Variants in GPHN observed in about 807,000 individuals in gnomAD.
The protein encoded by GPHN is gephyrin.
A neutral mutation model predicts 95.5 loss-of-function variants in GPHN; 17 were observed. The ratio of observed to expected loss-of-function variants is 0.18; its 90% CI spans 0.12 to 0.27. GPHN has a LOEUF of 0.27. GPHN is among the 10% of genes least tolerant of loss of function. The probability of loss-of-function intolerance (pLI) is 1.00; values close to 1 mark genes in which losing one functional copy is unlikely to be tolerated. For missense variants in GPHN, 660 were observed against 978.1 expected (o/e 0.67, Z 4.34); for synonymous variants, 320 against 322.5 (o/e 0.99, Z 0.08).
At chr14:67,568,906 TA>T in the GPHN span, 1 of 509,200 alleles carries the variant, frequency 2.0e-6, no homozygotes, top group South Asian at 2.4e-5. Flanking sequence ...ATGCTTATGT[TA>T]AGTATTTCAT....
chr14:66,961,678 G>C (rs2068910742), intron 8 of GPHN, among the ~76,000 whole-genome samples: 1 of 151,176 alleles, frequency 6.6e-6, no homozygotes, highest in African/African-American at 2.4e-5. Context: ...CTCTCACTAA[G>C]AATCAGAGAA....
At chr14:67,085,127 G>A (rs2153665416) in intron 11 of GPHN, among the ~76,000 whole-genome samples, 1 of 152,292 alleles carries the variant, frequency 6.6e-6, no homozygotes, top group Admixed American at 6.5e-5. Context: ...AGAAACTTGA[G>A]GGTTATTTTT....
chr14:67,543,038 T>G, the GPHN span, among the ~76,000 whole-genome samples: 2 of 152,212 alleles, frequency 1.3e-5, no homozygotes, highest in African/African-American at 4.8e-5. Flanking sequence ...CTGCTAACTT[T>G]CAGAGGCATT....
chr14:67,273,570 C>G, the GPHN span, among the ~76,000 whole-genome samples: 6 of 152,156 alleles, frequency 3.9e-5, no homozygotes, highest in Non-Finnish European at 7.3e-5. Flanking sequence ...GTGAATAGTG[C>G]CGCAGTCAAC....
At chr14:67,706,197 G>C in the GPHN span, 7 of 152,330 alleles carry the variant, frequency 4.6e-5, no homozygotes, top group Non-Finnish European at 1.0e-4. Context: ...TCGCAAGATA[G>C]TGCCTATGAA....
intron 4 of GPHN, 89 bp from the exon 5 acceptor site, chr14:66,879,850 T>A: frequency 1.2e-6 from 1 of 825,610 alleles, no homozygotes; most frequent in Admixed American, 1.9e-5. Context: ...AAGCCTGGTT[T>A]ATAATCATTT....
chr14:66,935,471 GTGTATA>G (rs1235217620), intron 8 of GPHN, among the ~76,000 whole-genome samples: 2 of 145,874 alleles, frequency 1.4e-5, no homozygotes, highest in African/African-American at 5.2e-5. Flanking sequence ...ATATATATAT[GTGTATA>G]TGTATATATA....
chr14:66,520,014 T>C lies in GPHN; in HGVS notation c.64+11423T>C, dbSNP rs535549085. ...TTAACTACTACATGATACTCCTCTT[T>C]GGCATGTCAGAATTATTTCATAGAG... On this transcript the variant is annotated intron_variant, in intron 1 of 22. Coordinates refer to ENST00000478722, the MANE Select transcript of GPHN (RefSeq NM_020806.5). Among the ~76,000 whole-genome samples, 12 of 152,268 alleles carry C rather than the reference T, an allele frequency of 7.9e-5. No homozygotes were observed. In the East Asian group the frequency reaches 2.3e-3, roughly 29 times the overall value.
intron 2 of GPHN, among the ~76,000 whole-genome samples, chr14:66,703,568 T>C (rs1015474245): frequency 2.7e-5 from 3 of 109,742 alleles, no homozygotes; most frequent in African/African-American, 1.7e-4. Context: ...AAGGAGATCC[T>C]TTCCAGAGAA....
intron 10 of GPHN, among the ~76,000 whole-genome samples, chr14:67,036,618 A>G (rs1355378123): frequency 1.3e-5 from 2 of 151,788 alleles, no homozygotes; most frequent in Non-Finnish European, 2.9e-5. Flanking sequence ...TAAAAAATCA[A>G]TTGCATTTTT....
At chr14:67,093,627 T>C (rs2077226775) in intron 12 of GPHN, among the ~76,000 whole-genome samples, 1 of 152,106 alleles carries the variant, frequency 6.6e-6, no homozygotes, top group Non-Finnish European at 1.5e-5. Flanking sequence ...AAATAATGCC[T>C]TCTTTCCCAA....
intron 1 of GPHN, among the ~76,000 whole-genome samples, chr14:66,656,026 A>G (rs930429825): frequency 2.0e-5 from 3 of 152,104 alleles, no homozygotes; most frequent in Non-Finnish European, 4.4e-5. Flanking sequence ...TCTTTTGGAT[A>G]TATATTCACA....
intron 4 of GPHN, among the ~76,000 whole-genome samples, chr14:66,834,338 A>G: frequency 6.6e-6 from 1 of 152,196 alleles, no homozygotes; most frequent in Admixed American, 6.6e-5. Flanking sequence ...GCCAGTATAA[A>G]AATTACAGGT....
At chr14:66,543,211 A>G (rs1237977863) in intron 1 of GPHN, among the ~76,000 whole-genome samples, 2 of 152,152 alleles carry the variant, frequency 1.3e-5, no homozygotes, top group Non-Finnish European at 2.9e-5. Flanking sequence ...TTACATTTCA[A>G]CATGAGATTT....
At chr14:66,526,103 C>CT (rs2058680909) in intron 1 of GPHN, among the ~76,000 whole-genome samples, 1 of 151,616 alleles carries the variant, frequency 6.6e-6, no homozygotes, top group Admixed American at 6.6e-5. Context: ...CATACTGATT[C>CT]TCCCTATCCA....
intron 9 of GPHN, among the ~76,000 whole-genome samples, chr14:67,002,392 G>A (rs1478752925): frequency 6.3e-5 from 9 of 141,836 alleles, no homozygotes; most frequent in South Asian, 4.4e-4. Context: ...GCTTGAGATC[G>A]TGAGACATAT....
chr14:66,791,216 C>T (rs556709028), intron 3 of GPHN, among the ~76,000 whole-genome samples: 1 of 152,286 alleles, frequency 6.6e-6, no homozygotes, highest in East Asian at 1.9e-4. Context: ...TACTGAAAGT[C>T]GGCCAATCAG....
At chr14:67,270,346 T>A in the GPHN span, 1 of 152,346 alleles carries the variant, frequency 6.6e-6, no homozygotes, top group South Asian at 2.1e-4. Flanking sequence ...TAAAGATTTT[T>A]GTATTTGTGT....
the GPHN span, among the ~76,000 whole-genome samples, chr14:67,460,728 C>T: frequency 6.6e-6 from 1 of 152,068 alleles, no homozygotes; most frequent in Admixed American, 6.6e-5. Flanking sequence ...AACAAAAAGG[C>T]TCTTTACCCC....
Sources: allele counts gnomAD v4.1 joint callset (sites outside exome capture counted in the v4.1 genomes callset), GRCh38; gene constraint gnomAD v4.1.1; transcripts MANE v1.5; gene names NCBI Gene and HGNC (gene_info 2026-07-23, HGNC 2026-07-21).